The following PPP2R2B variants were observed in gnomAD, a reference collection of about 807,000 sequenced individuals.
PPP2R2B encodes the protein serine/threonine-protein phosphatase 2A 55 kDa regulatory subunit B beta isoform.
PPP2R2B carries 5 observed loss-of-function variants against 46.0 expected under a neutral mutation model. That is an observed-to-expected ratio of 0.11 (90% CI 0.06 to 0.23). The LOEUF is 0.23. Ranked by LOEUF, PPP2R2B falls within the 10% of genes least tolerant of loss-of-function variation. The pLI, the probability that PPP2R2B is intolerant of heterozygous loss-of-function variation, is 1.00. For synonymous variants in PPP2R2B, 215 were observed against 206.7 expected, an observed-to-expected ratio of 1.04 and a Z score of -0.34; for missense variants, 367 against 575.0, an observed-to-expected ratio of 0.64 and a Z score of 3.70.
intron 2 of PPP2R2B, among the ~76,000 whole-genome samples, chr5:146,802,774 C>T (rs1435863629): frequency 3.3e-5 from 5 of 152,112 alleles, no homozygotes; most frequent in African/African-American, 1.2e-4. Context: ...GAGGTCTTTC[C>T]ATAAAGGACA....
At chr5:146,915,296 C>T (rs891464424) in intron 1 of PPP2R2B, among the ~76,000 whole-genome samples, 16 of 152,104 alleles carry the variant, frequency 1.1e-4, no homozygotes, top group Admixed American at 2.6e-4. Context: ...CCAATGTCTG[C>T]CACTTGGATT....
At chr5:147,028,238 C>A (rs1449694965) in intron 1 of PPP2R2B, among the ~76,000 whole-genome samples, 1 of 152,122 alleles carries the variant, frequency 6.6e-6, no homozygotes, top group Non-Finnish European at 1.5e-5. Context: ...GATTCAGTAA[C>A]CTCTTCTCCC....
intron 2 of PPP2R2B, among the ~76,000 whole-genome samples, chr5:146,855,172 G>GA (rs967449584): frequency 9.2e-5 from 14 of 151,694 alleles, no homozygotes; most frequent in African/African-American, 1.2e-4. Context: ...TGGTAGGAAG[G>GA]AAAAAAAATC....
intron 7 of PPP2R2B, among the ~76,000 whole-genome samples, chr5:146,636,817 C>A (rs1457676253): frequency 1.3e-5 from 2 of 152,328 alleles, no homozygotes; most frequent in East Asian, 3.9e-4. Context: ...TTCCCCCAAG[C>A]CTGACACTTT....
intron 1 of PPP2R2B, among the ~76,000 whole-genome samples, chr5:146,932,041 T>A (rs1763986086): frequency 6.6e-6 from 1 of 152,166 alleles, no homozygotes; most frequent in Non-Finnish European, 1.5e-5. Context: ...ACCAGGAGAA[T>A]TTCAAACTCT....
chr5:147,032,860 C>A (rs1235874053), intron 1 of PPP2R2B, among the ~76,000 whole-genome samples: 1 of 152,124 alleles, frequency 6.6e-6, no homozygotes, highest in Non-Finnish European at 1.5e-5. Flanking sequence ...TTCTTTTCCT[C>A]TGGGTAGATA....
intron 2 of PPP2R2B, among the ~76,000 whole-genome samples, chr5:146,859,128 C>T (rs1760837206): frequency 6.6e-6 from 1 of 152,152 alleles, no homozygotes; most frequent in Non-Finnish European, 1.5e-5. Flanking sequence ...TCAGTCTTTT[C>T]TCCACCATAA....
chr5:147,027,402 A>G (rs1428115636), intron 1 of PPP2R2B, among the ~76,000 whole-genome samples: 1 of 152,174 alleles, frequency 6.6e-6, no homozygotes, highest in Non-Finnish European at 1.5e-5. Context: ...TGTGAGGCAG[A>G]GGCCGGCGGA....
chr5:147,070,655 G>A (rs923637692), intron 2 of PPP2R2B, among the ~76,000 whole-genome samples: 1 of 152,170 alleles, frequency 6.6e-6, no homozygotes, highest in African/African-American at 2.4e-5. Context: ...CAAGGCCAAT[G>A]ACCCACCACC....
Position 146,914,617 on chromosome 5 carries a change from T to C in PPP2R2B, c.79+141048A>G, listed in dbSNP as rs10037685. 3.5e-3 allele frequency among the ~76,000 whole-genome samples: 532 copies of C among 152,332 alleles called. 2 individuals are homozygous for C. Among genetic ancestry groups the C allele is most frequent in the African/African-American group, 0.012 (508 of 41,580 alleles). On this transcript the variant is annotated intron_variant, in intron 1 of 8. Coordinates refer to the PPP2R2B transcript ENST00000336640. ...AGGCATTCATATGGTGTAAAGGAGC[T>C]ATTGCTGCAAAAAAATGTTGTTGGC...
chr5:146,897,271 G>GA (rs1762675903), intron 1 of PPP2R2B, among the ~76,000 whole-genome samples: 1 of 152,194 alleles, frequency 6.6e-6, no homozygotes, highest in African/African-American at 2.4e-5. Context: ...GATGAAGGGT[G>GA]AAAAATGGAG....
chr5:146,793,982 G>A (rs565323474), intron 2 of PPP2R2B, among the ~76,000 whole-genome samples: 1 of 152,296 alleles, frequency 6.6e-6, no homozygotes, highest in South Asian at 2.1e-4. Context: ...TAGATATTGA[G>A]TAGAGCTCAG....
At chr5:146,744,135 T>G (rs1381587381) in intron 2 of PPP2R2B, among the ~76,000 whole-genome samples, 2 of 152,206 alleles carry the variant, frequency 1.3e-5, no homozygotes, top group African/African-American at 4.8e-5. Flanking sequence ...TCCTTCCTCC[T>G]TTTCATAATA....
At chr5:146,698,905 G>T (rs1779378116) in intron 3 of PPP2R2B, among the ~76,000 whole-genome samples, 1 of 151,612 alleles carries the variant, frequency 6.6e-6, no homozygotes, top group South Asian at 2.1e-4. Context: ...CATGATGAGA[G>T]AATTAAACAC....
intron 2 of PPP2R2B, among the ~76,000 whole-genome samples, chr5:146,819,981 G>A (rs942966105): frequency 6.6e-6 from 1 of 152,108 alleles, no homozygotes; most frequent in Non-Finnish European, 1.5e-5. Flanking sequence ...AAGACAAATA[G>A]GCACACAATC....
At chr5:147,054,031 T>C (rs749631043) in intron 1 of PPP2R2B, among the ~76,000 whole-genome samples, 34 of 152,228 alleles carry the variant, frequency 2.2e-4, no homozygotes, top group Non-Finnish European at 4.6e-4. Flanking sequence ...AATCTGGTGA[T>C]AGTGGGTGAA....
Position 146,590,094 on chromosome 5 carries a change from C to A in PPP2R2B, c.1185G>T (p.Val395=), listed in dbSNP as rs150241846. 2,277 of 1,614,118 alleles carry A rather than the reference C, an allele frequency of 1.4e-3. 4 individuals are homozygous for A. Among genetic ancestry groups the A allele is most frequent in the Non-Finnish European group, 1.6e-3 (1,887 of 1,180,036 alleles). Reference sequence around the variant, plus strand: ...TCTCGTCTTTTCTCCGCTTGCCCCCCACACACACTTTTCGGGGTTTGAGGA... The same window carrying A: ...TCTCGTCTTTTCTCCGCTTGCCCCCAACACACACTTTTCGGGGTTTGAGGA... ...RAILKPRKVC[V]GGKRRKDEIS... is the part of the protein sequence containing the mutation. The change falls in exon 10 of 10, where the codon GTG becomes GTT. Residue 395 remains valine (V), a synonymous_variant. Transcript: ENST00000394411.
chr5:146,833,240 G>A (rs1414426712), intron 2 of PPP2R2B, among the ~76,000 whole-genome samples: 3 of 152,104 alleles, frequency 2.0e-5, no homozygotes, highest in Non-Finnish European at 1.5e-5. Flanking sequence ...TGTGCAGTGT[G>A]TGAGGCTCTA....
intron 1 of PPP2R2B, among the ~76,000 whole-genome samples, chr5:146,963,266 G>A (rs1752258339): frequency 1.3e-5 from 2 of 152,268 alleles, no homozygotes; most frequent in African/African-American, 2.4e-5. Context: ...TGGAGGTTTT[G>A]TGTAGTGAAA....
Sources: gnomAD v4.1 joint callset for allele counts (sites outside exome capture counted in the v4.1 genomes callset) on GRCh38, gnomAD v4.1.1 for gene constraint, MANE v1.5 for transcripts, NCBI Gene and HGNC (gene_info 2026-07-23, HGNC 2026-07-21) for gene names.